TMEM47: variants seen among roughly 807,000 people sequenced by gnomAD.
The protein encoded by TMEM47 is brain cell membrane protein 1.
A neutral mutation model predicts 12.4 loss-of-function variants in TMEM47; 3 were observed. The ratio of observed to expected loss-of-function variants is 0.24; its 90% CI spans 0.11 to 0.63. TMEM47 has a LOEUF of 0.63. TMEM47 is among the 20% of genes least tolerant of loss of function. The pLI is 0.86. For missense variants in TMEM47, 89 were observed against 143.8 expected, an observed-to-expected ratio of 0.62 and a Z score of 1.95; for synonymous variants, 62 against 63.3, an observed-to-expected ratio of 0.98 and a Z score of 0.10.
chrX:34,633,568 ATT>A (rs762931393), intron 2 of TMEM47, among the ~76,000 whole-genome samples: 36 of 111,584 alleles, frequency 3.2e-4, no homozygotes, highest in Non-Finnish European at 6.4e-4. Context: ...TGGGGTCTAG[ATT>A]TTATTCTACG....
intron 1 of TMEM47, among the ~76,000 whole-genome samples, chrX:34,654,246 C>T (rs930261759): frequency 8.9e-6 from 1 of 112,045 alleles, no homozygotes; most frequent in African/African-American, 3.2e-5. Context: ...CTGAAATGCT[C>T]CTTCAGTAAA....
Position 34,629,947 on chromosome X carries a change from A to G in TMEM47, c.*366T>C, listed in dbSNP as rs1002809036. The G allele has an allele frequency of 1.6e-5, 2 of 127,367 alleles. No individual in the cohort carries two copies. Among genetic ancestry groups the G allele is most frequent in the Non-Finnish European group, 3.2e-5 (2 of 63,283 alleles). 10.5% of individuals were successfully genotyped at this position (127,367 alleles called of 1,213,427 possible). A position where few individuals can be genotyped will look rare whatever the true frequency, so the allele number is the denominator to read the frequency against. ...TCCTTGTCAGCGCAAAGGAACTTCT[A>G]AATGTTGCTTATGCCAACTGCTCCC... is the stretch of plus-strand genomic sequence containing the variant. On this transcript the variant is annotated 3_prime_UTR_variant, in exon 3 of 3. Transcript: ENST00000275954.
chrX:34,638,365 G>A (rs892834357), intron 2 of TMEM47, among the ~76,000 whole-genome samples: 2 of 111,672 alleles, frequency 1.8e-5, no homozygotes, highest in Admixed American at 1.9e-4. Flanking sequence ...GGGGGCAGCA[G>A]AACACTTCTG....
chrX:34,649,932 G>T (rs1160609561), intron 1 of TMEM47, among the ~76,000 whole-genome samples: 1 of 110,396 alleles, frequency 9.1e-6, no homozygotes, highest in Non-Finnish European at 1.9e-5. Flanking sequence ...TCACCATGTT[G>T]GTCAGGCTGT....
At chrX:34,632,010 T>A (rs1253635763) in intron 2 of TMEM47, among the ~76,000 whole-genome samples, 2 of 111,663 alleles carry the variant, frequency 1.8e-5, no homozygotes, top group Admixed American at 1.9e-4. Flanking sequence ...CTGCTTTTTG[T>A]TTTTGAAAAA....
chrX:34,651,987 G>A (rs1190820176), intron 1 of TMEM47, among the ~76,000 whole-genome samples: 1 of 111,908 alleles, frequency 8.9e-6, no homozygotes, highest in Non-Finnish European at 1.9e-5. Context: ...TACGTAACCA[G>A]GAAGAAACAT....
intron 2 of TMEM47, among the ~76,000 whole-genome samples, chrX:34,632,447 A>G (rs773783119): frequency 1.8e-5 from 2 of 111,914 alleles, no homozygotes; most frequent in Non-Finnish European, 3.8e-5. Context: ...GAAAGTCTAC[A>G]TAACAGTCAT....
At chrX:34,639,443 A>T in intron 1 of TMEM47, 56 bp from the exon 2 acceptor site, 1 of 1,122,294 alleles carries the variant, frequency 8.9e-7, no homozygotes, top group Non-Finnish European at 1.2e-6. Context: ...AATCAACAGA[A>T]CTATGTTCAG....
chrX:34,648,897 C>T (rs1013562699), intron 1 of TMEM47, among the ~76,000 whole-genome samples: 9 of 111,815 alleles, frequency 8.0e-5, no homozygotes, highest in Admixed American at 2.8e-4. Context: ...CATGAACAGA[C>T]GCTTTTCAAA....
At chrX:34,645,414 C>T (rs1015720459) in intron 1 of TMEM47, among the ~76,000 whole-genome samples, 1 of 111,921 alleles carries the variant, frequency 8.9e-6, no homozygotes, top group East Asian at 2.8e-4. Context: ...GGATAGGAAG[C>T]CTGTATCCTC....
intron 2 of TMEM47, among the ~76,000 whole-genome samples, chrX:34,635,104 T>C (rs920853407): frequency 3.6e-5 from 4 of 111,657 alleles, no homozygotes; most frequent in African/African-American, 1.3e-4. Flanking sequence ...CAGCTGCCTA[T>C]GGGGCAGGCC....
Position 34,631,536 on chromosome X carries a change from C to T in TMEM47, c.368-1045G>A, listed in dbSNP as rs773706803. 2.7e-5 allele frequency among the ~76,000 whole-genome samples: 3 copies of T among 111,573 alleles called. No homozygotes were observed. In the South Asian group the frequency reaches 1.1e-3, roughly 42 times the overall value. The stretch of plus-strand genomic sequence containing the variant: ...ACCTACTTTCAAAAAAGAATTAAGT[C>T]GATAAAGGCAAGAGAGATAATGGTA... On this transcript the variant is annotated intron_variant, in intron 2 of 2. Transcript: ENST00000275954.
chrX:34,657,091 C>T lies in TMEM47; in HGVS notation c.-62G>A, dbSNP rs1922126755. On this transcript the variant is annotated 5_prime_UTR_variant, in exon 1 of 3. Coordinates refer to ENST00000275954, the MANE Select transcript of TMEM47 (RefSeq NM_031442.4). ...AGGACGCCAGGCGGGTCCGGAGAGC[C>T]GGGAGCCGGACCTCCCGAAGGGAGA... 17 of 1,083,465 alleles carry T rather than the reference C, an allele frequency of 1.6e-5. No individual in the cohort carries two copies. In the South Asian group the frequency reaches 3.2e-4, roughly 20 times the overall value. The allele number at this position is 1,083,465 out of a possible 1,213,427, so 89.3% of individuals were successfully genotyped here.
intron 2 of TMEM47, 92 bp from the exon 3 acceptor site, chrX:34,630,583 G>C (rs1921598537): frequency 1.0e-5 from 9 of 880,789 alleles, no homozygotes; most frequent in Non-Finnish European, 1.2e-5. Flanking sequence ...GAGTAACTTT[G>C]TAATCAAATA....
At chrX:34,642,566 T>C (rs900497308) in intron 1 of TMEM47, among the ~76,000 whole-genome samples, 8 of 111,753 alleles carry the variant, frequency 7.2e-5, no homozygotes, top group African/African-American at 2.6e-4. Context: ...ACATAATCAG[T>C]TCTGGATTTT....
chrX:34,633,270 G>GGGCTGCTC (rs1921657396), intron 2 of TMEM47, among the ~76,000 whole-genome samples: 1 of 111,977 alleles, frequency 8.9e-6, no homozygotes, highest in African/African-American at 3.2e-5. Flanking sequence ...ACAGGGATGA[G>GGGCTGCTC]GGCTGCTCTT....
chrX:34,638,464 A>G (rs1921756029), intron 2 of TMEM47, among the ~76,000 whole-genome samples: 1 of 111,828 alleles, frequency 8.9e-6, no homozygotes, highest in Non-Finnish European at 1.9e-5. Flanking sequence ...TCCATCTAAC[A>G]GCCTAGATGG....
chrX:34,654,267 C>T (rs1328645017), intron 1 of TMEM47, among the ~76,000 whole-genome samples: 1 of 112,025 alleles, frequency 8.9e-6, no homozygotes, highest in Non-Finnish European at 1.9e-5. Flanking sequence ...TACAGGCCTG[C>T]CTCTTCACAG....
At chrX:34,632,470 T>A (rs1921644344) in intron 2 of TMEM47, among the ~76,000 whole-genome samples, 1 of 111,607 alleles carries the variant, frequency 9.0e-6, no homozygotes. Flanking sequence ...TTCTCTCCCA[T>A]AAAACTGATG....
Sources: gnomAD v4.1 joint callset for allele counts (sites outside exome capture counted in the v4.1 genomes callset) on GRCh38, gnomAD v4.1.1 for gene constraint, MANE v1.5 for transcripts, NCBI Gene and HGNC (gene_info 2026-07-23, HGNC 2026-07-21) for gene names.